Variants in CHMP3 observed in about 807,000 individuals in gnomAD.
CHMP3 encodes charged multivesicular body protein 3, also known as 25.1 protein.
CHMP3 carries 8 observed loss-of-function variants against 27.4 expected under a neutral mutation model. That is an observed-to-expected ratio of 0.29 (90% CI 0.17 to 0.53). The LOEUF (loss-of-function observed/expected upper bound fraction) is 0.53, where lower values mean the gene tolerates loss of function less well. Among genes scored for constraint, CHMP3 ranks in the 20% least tolerant of loss-of-function variants. The pLI, the probability that CHMP3 is intolerant of heterozygous loss-of-function variation, is 0.96. For synonymous variants in CHMP3, 86 were observed against 85.5 expected (o/e 1.01, Z -0.03); for missense variants, 208 against 271.5 (o/e 0.77, Z 1.64).
At chr2:86,531,313 A>G (rs944593400) in intron 2 of CHMP3, among the ~76,000 whole-genome samples, 1 of 152,106 alleles carries the variant, frequency 6.6e-6, no homozygotes. Flanking sequence ...CCTGCCAGGT[A>G]ATCTTTTTAA....
Position 86,503,592 on chromosome 2 carries a change from A to C in CHMP3, c.*2212T>G, listed in dbSNP as rs1163408731. The stretch of plus-strand genomic sequence containing the variant: ...AGGTGAATGGATAAACTATTCATCT[A>C]GACAATGGAGTATTATTCAGTGCTA... On this transcript the variant is annotated 3_prime_UTR_variant, in exon 6 of 6. Transcript: ENST00000263856. 3.3e-5 allele frequency: 5 copies of C among 152,258 alleles called. No homozygotes were observed. The highest frequency in any genetic ancestry group is 1.2e-4 in the African/African-American group (5 of 41,470). 9.4% of individuals were successfully genotyped at this position (152,258 alleles called of 1,614,324 possible).
chr2:86,510,340 G>C lies in CHMP3; in HGVS notation c.408+18C>G. ...ACTCTGGGGTTTGGAAAGGAAAGCAGGGCTAGCCCCAAGTCACCTTCATCA... is the reference window on the plus strand; with the variant it reads ...ACTCTGGGGTTTGGAAAGGAAAGCACGGCTAGCCCCAAGTCACCTTCATCA... On this transcript the variant is annotated intron_variant, in intron 4 of 5. Coordinates refer to ENST00000263856, the MANE Select transcript of CHMP3 (RefSeq NM_016079.4). The C allele has an allele frequency of 6.5e-7, 1 of 1,547,220 alleles. No individual in the cohort carries two copies. Among genetic ancestry groups the C allele is most frequent in the East Asian group, 2.5e-5 (1 of 40,178 alleles).
chr2:86,517,565 C>CAAAA (rs70956116), intron 3 of CHMP3, among the ~76,000 whole-genome samples: 8 of 90,092 alleles, frequency 8.9e-5, no homozygotes, highest in South Asian at 7.3e-4. Flanking sequence ...GACTCCGTCT[C>CAAAA]AAAAAAAAAA....
At chr2:86,556,640 C>G (rs1036795454) in intron 1 of CHMP3, among the ~76,000 whole-genome samples, 1 of 151,850 alleles carries the variant, frequency 6.6e-6, no homozygotes, top group Non-Finnish European at 1.5e-5. Flanking sequence ...TTTAATCATC[C>G]GCCAGCAGGA....
At chr2:86,538,564 A>C (rs1158827315) in intron 2 of CHMP3, among the ~76,000 whole-genome samples, 1 of 152,198 alleles carries the variant, frequency 6.6e-6, no homozygotes, top group East Asian at 1.9e-4. Context: ...TGTGGTGGTT[A>C]TCTCTAAGTG....
intron 2 of CHMP3, among the ~76,000 whole-genome samples, chr2:86,530,686 A>G (rs1254583903): frequency 6.6e-6 from 1 of 152,240 alleles, no homozygotes; most frequent in Non-Finnish European, 1.5e-5. Flanking sequence ...GTATATGCCT[A>G]AAAGTAGAAC....
intron 1 of CHMP3, among the ~76,000 whole-genome samples, chr2:86,546,756 A>G (rs1037896530): frequency 6.6e-6 from 1 of 152,042 alleles, no homozygotes; most frequent in Non-Finnish European, 1.5e-5. Flanking sequence ...ACATCTTTTC[A>G]TGTGCTTGTT....
At chr2:86,513,620 T>C (rs1476041475) in intron 3 of CHMP3, among the ~76,000 whole-genome samples, 1 of 152,236 alleles carries the variant, frequency 6.6e-6, no homozygotes, top group African/African-American at 2.4e-5. Flanking sequence ...GTGGATTTTC[T>C]GTACTTTCTA....
intron 3 of CHMP3, among the ~76,000 whole-genome samples, chr2:86,518,426 A>G (rs1009295850): frequency 6.6e-6 from 1 of 152,232 alleles, no homozygotes; most frequent in Non-Finnish European, 1.5e-5. Flanking sequence ...CAGAAACTTT[A>G]AAAATTTAAA....
chr2:86,552,455 C>T (rs1337053799), intron 1 of CHMP3, among the ~76,000 whole-genome samples: 1 of 152,200 alleles, frequency 6.6e-6, no homozygotes, highest in Non-Finnish European at 1.5e-5. Context: ...AAAATCACCA[C>T]TCTAAAAACC....
chr2:86,507,414 A>G (rs999726455), intron 5 of CHMP3, 65 bp downstream of exon 5: 10 of 1,427,486 alleles, frequency 7.0e-6, no homozygotes, highest in Admixed American at 1.7e-5. Flanking sequence ...CTACTAGCTA[A>G]TTTAGTGAAT....
At chr2:86,541,480 C>T (rs191150599) in intron 2 of CHMP3, 23 of 152,266 alleles carry the variant, frequency 1.5e-4, no homozygotes, top group Admixed American at 7.9e-4. Flanking sequence ...AGTGAAACCA[C>T]TATGCTCTGC....
Position 86,563,394 on chromosome 2 carries a change from G to T in CHMP3, c.-46C>A. The T allele has an allele frequency of 6.2e-7, 1 of 1,601,798 alleles. No homozygotes were observed. The highest frequency in any genetic ancestry group is 1.4e-5 in the African/African-American group (1 of 70,438). On this transcript the variant is annotated 5_prime_UTR_variant, in exon 1 of 6. Transcript: ENST00000263856. Reference sequence around the variant, plus strand: ...CCCCTTCCGGCTTTCAGTTCCCCGCGCCCAGGCAGGTCACGGGCAGCCGCC... The same window carrying T: ...CCCCTTCCGGCTTTCAGTTCCCCGCTCCCAGGCAGGTCACGGGCAGCCGCC...
intron 1 of CHMP3, among the ~76,000 whole-genome samples, chr2:86,552,974 G>A (rs1249635711): frequency 6.6e-6 from 1 of 151,358 alleles, no homozygotes; most frequent in Non-Finnish European, 1.5e-5. Flanking sequence ...ATGGGCACAT[G>A]GAGGGCAACA....
In CHMP3 at chr2:86,510,541, A is replaced by G; in HGVS notation, c.287-62T>C. 5.1e-6 allele frequency: 8 copies of G among 1,580,014 alleles called. No individual in the cohort carries two copies. In the South Asian group the frequency reaches 9.0e-5, roughly 18 times the overall value. On this transcript the variant is annotated intron_variant, in intron 3 of 5. Coordinates refer to ENST00000263856, the MANE Select transcript of CHMP3 (RefSeq NM_016079.4). The stretch of plus-strand genomic sequence containing the variant: ...GGATGGAATAGAGAGAGACAGCCAA[A>G]TTATGAGCCATTCCAATAAATGACA...
chr2:86,545,426 C>T (rs367926336), intron 1 of CHMP3, among the ~76,000 whole-genome samples: 2 of 130,208 alleles, frequency 1.5e-5, no homozygotes, highest in Non-Finnish European at 3.3e-5. Context: ...ACGGGGTGGC[C>T]GGGCAGAGGC....
chr2:86,542,265 G>A lies in CHMP3; in HGVS notation c.93C>T (p.Asp31=), dbSNP rs774159726. 1 of 1,613,540 alleles carries A rather than the reference G, an allele frequency of 6.2e-7. No individual in the cohort carries two copies. The highest frequency in any genetic ancestry group is 8.5e-7 in the Non-Finnish European group (1 of 1,179,616). Residue 31 remains aspartate, a synonymous_variant, in exon 2 of 6, where the codon GAC becomes GAT. Coordinates refer to ENST00000263856, the MANE Select transcript of CHMP3 (RefSeq NM_016079.4). The stretch of plus-strand genomic sequence containing the variant: ...ATGATAACTTACCCCTTATTTGCCT[G>A]TCAACAACTCTCATTTCCTTTCTTA... ...LKIRKEMRVV[D]RQIRDIQREE...
At chr2:86,536,241 G>A (rs376390834) in intron 2 of CHMP3, among the ~76,000 whole-genome samples, 6 of 151,578 alleles carry the variant, frequency 4.0e-5, no homozygotes, top group African/African-American at 7.3e-5. Flanking sequence ...CTCGTGATCC[G>A]CCCGCCTCGG....
chr2:86,533,152 G>GT (rs1183699816), intron 2 of CHMP3, among the ~76,000 whole-genome samples: 1 of 152,014 alleles, frequency 6.6e-6, no homozygotes, highest in Non-Finnish European at 1.5e-5. Context: ...TTCAATCTTG[G>GT]TAAGTTTCAT....
Sources: gnomAD v4.1 joint callset for allele counts (sites outside exome capture counted in the v4.1 genomes callset) on GRCh38, gnomAD v4.1.1 for gene constraint, MANE v1.5 for transcripts, NCBI Gene and HGNC (gene_info 2026-07-23, HGNC 2026-07-21) for gene names.